LIMCH1: variants seen among roughly 807,000 people sequenced by gnomAD.
LIMCH1 encodes LIM and calponin homology domains 1, also known as LIM and calponin homology domains-containing protein 1.
A neutral mutation model predicts 176.5 loss-of-function variants in LIMCH1; 113 were observed. The ratio of observed to expected loss-of-function variants is 0.64; its 90% confidence interval spans 0.55 to 0.75. The LOEUF (loss-of-function observed/expected upper bound fraction) is 0.75, where lower values mean the gene tolerates loss of function less well. Ranked by LOEUF, LIMCH1 falls within the 30% of genes least tolerant of loss-of-function variation. The pLI is 0.00. For missense variants in LIMCH1, 1,674 were observed against 1,814.9 expected (o/e 0.92, Z 1.41); for synonymous variants, 619 against 645.9 (o/e 0.96, Z 0.63).
In LIMCH1 at chr4:41,632,850, C is replaced by T. The variant is rs114137756; in HGVS notation, c.1703C>T (p.Pro568Leu). The T allele has an allele frequency of 6.2e-5, 96 of 1,536,090 alleles. No homozygotes were observed. The African/African-American group carries it at 1.1e-3, about 17-fold the overall frequency. The change falls in exon 11 of 32, where the codon CCG (proline) becomes CTG (leucine). Residue 568 changes from proline (P) to leucine (L), a missense_variant. By Grantham distance (98) the Pro-to-Leu change is moderately conservative. Coordinates refer to ENST00000503057, the MANE Select transcript of LIMCH1 (RefSeq NM_001330672.2). Reference sequence around the variant, plus strand: ...TGGGTCTGCAGTTTGGGCGAGTGCCCGAGGGGGACAGAGGAAGGTGAGGAG... The same window carrying T: ...TGGGTCTGCAGTTTGGGCGAGTGCCTGAGGGGGACAGAGGAAGGTGAGGAG... The part of the protein sequence containing the change: ...EEWVCSLGEC[P>L]RGTEEVTSKQ...
chr4:41,532,987 C>A (rs2077488692), intron 3 of LIMCH1, among the ~76,000 whole-genome samples: 1 of 152,130 alleles, frequency 6.6e-6, no homozygotes, highest in Non-Finnish European at 1.5e-5. Flanking sequence ...CATTTCCAGG[C>A]CAGAGTAGGG....
intron 4 of LIMCH1, among the ~76,000 whole-genome samples, chr4:41,611,193 G>A (rs2091371708): frequency 6.6e-6 from 1 of 151,854 alleles, no homozygotes; most frequent in Non-Finnish European, 1.5e-5. Flanking sequence ...TTGTGTTGCA[G>A]TTACCTACAG....
At position 41,665,106 on chromosome 4, in the gene LIMCH1, C is replaced by T. The variant is rs565535725; in HGVS notation, c.3292-1455C>T. Among the ~76,000 whole-genome samples, 42 of 152,240 alleles carry T rather than the reference C, an allele frequency of 2.8e-4. 1 individual carries two copies. The South Asian group carries it at 8.5e-3, about 31-fold the overall frequency. On this transcript the variant is annotated intron_variant, in intron 20 of 31. Coordinates refer to ENST00000503057, the MANE Select transcript of LIMCH1 (RefSeq NM_001330672.2). The stretch of plus-strand genomic sequence containing the variant: ...TCCCTTTTCTTCCTTTCTTACTGTA[C>T]GGCTAGCTCTTAGATAAAGGGCGAA...
intron 19 of LIMCH1, among the ~76,000 whole-genome samples, 171 bp from the exon 20 acceptor site, chr4:41,662,650 G>A (rs2094665954): frequency 6.6e-6 from 1 of 152,150 alleles, no homozygotes; most frequent in South Asian, 2.1e-4. Context: ...AGAGCTTTGG[G>A]AATTCCAGCA....
Position 41,626,849 on chromosome 4 carries a change from T to C in LIMCH1, c.867T>C (p.Asp289=). 2 of 1,536,178 alleles carry C rather than the reference T, an allele frequency of 1.3e-6. No individual in the cohort carries two copies. Among genetic ancestry groups the C allele is most frequent in the Non-Finnish European group, 1.7e-6 (2 of 1,146,920 alleles). The change falls in exon 8 of 32, where the codon GAT becomes GAC. Residue 289 remains aspartate, a synonymous_variant. Transcript: ENST00000503057. ...VVCRLPDLEK[D]DFAARRARMN... Reference sequence around the variant, plus strand: ...GTCGACTGCCTGATCTTGAGAAGGATGACTTTGCTGCAAGGAGAGCAAGGA... The same window carrying C: ...GTCGACTGCCTGATCTTGAGAAGGACGACTTTGCTGCAAGGAGAGCAAGGA...
chr4:41,466,289 C>G (rs1278751668), intron 1 of LIMCH1, among the ~76,000 whole-genome samples: 1 of 152,160 alleles, frequency 6.6e-6, no homozygotes, highest in African/African-American at 2.4e-5. Flanking sequence ...CTTTGCTGAC[C>G]TCTACTCTAG....
chr4:41,502,999 G>GTCCGTCCA (rs1554075693), intron 2 of LIMCH1, among the ~76,000 whole-genome samples: 3 of 138,312 alleles, frequency 2.2e-5, no homozygotes, highest in East Asian at 2.1e-4. Flanking sequence ...TGGTCTGTCT[G>GTCCGTCCA]TCCATCCATC....
intron 1 of LIMCH1, among the ~76,000 whole-genome samples, chr4:41,379,145 G>C (rs1220447246): frequency 6.6e-6 from 1 of 152,196 alleles, no homozygotes; most frequent in African/African-American, 2.4e-5. Flanking sequence ...TTAGTTAGAT[G>C]GTTCTGGCTC....
At chr4:41,695,510 C>T (rs1045616343) in intron 31 of LIMCH1, among the ~76,000 whole-genome samples, 1 of 151,808 alleles carries the variant, frequency 6.6e-6, no homozygotes, top group Non-Finnish European at 1.5e-5. Flanking sequence ...ACTAAGTTCC[C>T]ATATATATTT....
chr4:41,640,669 A>T (rs2093782260), intron 14 of LIMCH1, among the ~76,000 whole-genome samples: 1 of 152,254 alleles, frequency 6.6e-6, no homozygotes, highest in Admixed American at 6.5e-5. Context: ...AGTTGATATC[A>T]GGAATTTATT....
At chr4:41,443,242 C>T (rs1363290409) in intron 1 of LIMCH1, among the ~76,000 whole-genome samples, 1 of 56,884 alleles carries the variant, frequency 1.8e-5, no homozygotes, top group Non-Finnish European at 2.8e-5. Context: ...CTCGCTCTGT[C>T]GCCCAGGCCG....
intron 1 of LIMCH1, among the ~76,000 whole-genome samples, chr4:41,489,560 G>A (rs1356886111): frequency 6.6e-6 from 1 of 151,902 alleles, no homozygotes; most frequent in African/African-American, 2.4e-5. Context: ...TAAGAATTAT[G>A]TTATTTAGTT....
At chr4:41,474,048 C>T (rs940374399) in intron 1 of LIMCH1, among the ~76,000 whole-genome samples, 4 of 151,560 alleles carry the variant, frequency 2.6e-5, no homozygotes, top group Non-Finnish European at 4.4e-5. Flanking sequence ...CACGGTGGTG[C>T]GCCCCTGTAA....
chr4:41,681,162 A>G, intron 25 of LIMCH1, 103 bp downstream of exon 25: 1 of 637,340 alleles, frequency 1.6e-6, no homozygotes, highest in Non-Finnish European at 2.8e-6. Flanking sequence ...GTTTAAATCC[A>G]AGACTAGCTA....
intron 1 of LIMCH1, among the ~76,000 whole-genome samples, chr4:41,462,136 G>A (rs908365137): frequency 6.6e-6 from 1 of 152,184 alleles, no homozygotes; most frequent in African/African-American, 2.4e-5. Flanking sequence ...ATCAAGTGCT[G>A]AACTTTGAGT....
intron 14 of LIMCH1, 90 bp downstream of exon 14, chr4:41,639,057 G>C: frequency 2.1e-6 from 2 of 952,884 alleles, no homozygotes; most frequent in Non-Finnish European, 3.1e-6. Flanking sequence ...TGCAACTGAT[G>C]CAAGTGAACT....
At chr4:41,608,612 T>G (rs907178621) in intron 4 of LIMCH1, among the ~76,000 whole-genome samples, 2 of 152,182 alleles carry the variant, frequency 1.3e-5, no homozygotes, top group Non-Finnish European at 2.9e-5. Context: ...GTGACCCAGG[T>G]AGAGCCCTTG....
At chr4:41,388,246 C>T (rs2056752650) in intron 1 of LIMCH1, among the ~76,000 whole-genome samples, 1 of 152,208 alleles carries the variant, frequency 6.6e-6, no homozygotes, top group Non-Finnish European at 1.5e-5. Flanking sequence ...AAAGTGGAAA[C>T]AGCCCAAATG....
Position 41,697,153 on chromosome 4 carries a change from A to G in LIMCH1, c.4379-7A>G, listed in dbSNP as rs1355175651. ...CTCTTGTTTGTTGTTGTTTGTTTTA[A>G]TCACAGGTGCCGGGCAGCCTACAAC... On this transcript the variant is annotated splice_region_variant and splice_polypyrimidine_tract_variant and intron_variant, in intron 31 of 31. Transcript: ENST00000503057. The G allele has an allele frequency of 6.2e-7, 1 of 1,613,398 alleles. No individual in the cohort carries two copies. Among genetic ancestry groups the G allele is most frequent in the Non-Finnish European group, 8.5e-7 (1 of 1,179,510 alleles).
Sources: allele counts gnomAD v4.1 joint callset (sites outside exome capture counted in the v4.1 genomes callset), GRCh38; gene constraint gnomAD v4.1.1; transcripts MANE v1.5; gene names NCBI Gene and HGNC (gene_info 2026-07-23, HGNC 2026-07-21).